The following PLS1 variants were observed in gnomAD, a reference collection of about 807,000 sequenced individuals.
PLS1 encodes plastin-1.
Under a neutral mutation model 73.7 loss-of-function variants are expected in PLS1, and 32 were observed. The ratio of observed to expected loss-of-function variants is 0.43; its 90% CI spans 0.33 to 0.58. The LOEUF (loss-of-function observed/expected upper bound fraction) is 0.58. Among genes scored for constraint, PLS1 ranks in the 20% least tolerant of loss-of-function variants. The pLI, the probability that PLS1 is intolerant of heterozygous loss-of-function variation, is 0.04. For synonymous variants in PLS1, 217 were observed against 261.3 expected (o/e 0.83, Z 1.63); for missense variants, 633 against 740.5 (o/e 0.85, Z 1.68).
At chr3:142,635,535 G>A (rs1357944779) in intron 1 of PLS1, among the ~76,000 whole-genome samples, 2 of 152,058 alleles carry the variant, frequency 1.3e-5, no homozygotes, top group Non-Finnish European at 2.9e-5. Flanking sequence ...CCTGGGAGGC[G>A]AAGGTTGCAG....
At chr3:142,629,114 A>G (rs552778977) in intron 1 of PLS1, among the ~76,000 whole-genome samples, 29 of 152,320 alleles carry the variant, frequency 1.9e-4, no homozygotes, top group African/African-American at 7.0e-4. Flanking sequence ...TGGGCAAGTT[A>G]GTTAACCTTA....
chr3:142,701,822 A>G (rs2038337982), intron 12 of PLS1, among the ~76,000 whole-genome samples: 1 of 152,232 alleles, frequency 6.6e-6, no homozygotes, highest in South Asian at 2.1e-4. Flanking sequence ...GCAGTTTGCT[A>G]TAAAATTCTC....
chr3:142,599,618 C>T (rs919174560), intron 1 of PLS1, among the ~76,000 whole-genome samples: 7 of 152,110 alleles, frequency 4.6e-5, no homozygotes, highest in African/African-American at 7.2e-5. Flanking sequence ...CGTGAGCCAC[C>T]GCGCCCGGCC....
intron 1 of PLS1, among the ~76,000 whole-genome samples, chr3:142,648,476 C>A (rs1334196957): frequency 6.6e-6 from 1 of 152,048 alleles, no homozygotes; most frequent in Non-Finnish European, 1.5e-5. Context: ...TTGCGGGAGG[C>A]ATCAGTTTTT....
intron 3 of PLS1, 126 bp downstream of exon 3, chr3:142,669,679 TG>T (rs373020787): frequency 0.012 from 6,703 of 566,688 alleles, 360 homozygotes; most frequent in African/African-American, 0.11. Flanking sequence ...AAAATGATGA[TG>T]ATGATGATGA....
intron 10 of PLS1, among the ~76,000 whole-genome samples, chr3:142,692,561 A>G (rs2038107961): frequency 6.6e-6 from 1 of 152,142 alleles, no homozygotes; most frequent in East Asian, 1.9e-4. Flanking sequence ...CTCATTTATA[A>G]AATCTATTTT....
At chr3:142,600,071 A>G (rs2035888206) in intron 1 of PLS1, among the ~76,000 whole-genome samples, 1 of 152,190 alleles carries the variant, frequency 6.6e-6, no homozygotes, top group Non-Finnish European at 1.5e-5. Context: ...TTGAGTTGGT[A>G]GCAAGACACT....
At position 142,703,857 on chromosome 3, in the gene PLS1, C is replaced by G; in HGVS notation, c.1372-11C>G. The stretch of plus-strand genomic sequence containing the variant: ...AAATCTTTTTATACCCAAACTTTTA[C>G]TTATTTATAGATTGAAAACTGTAAC... On this transcript the variant is annotated splice_polypyrimidine_tract_variant and intron_variant, in intron 12 of 15. Transcript: ENST00000457734. 1 of 1,592,720 alleles carries G rather than the reference C, an allele frequency of 6.3e-7. No individual in the cohort carries two copies. Among genetic ancestry groups the G allele is most frequent in the South Asian group, 1.1e-5 (1 of 90,060 alleles).
Position 142,684,319 on chromosome 3 carries a change from T to C in PLS1, c.812T>C (p.Leu271Ser), listed in dbSNP as rs375940274. Residue 271 changes from leucine to serine, a missense_variant, in exon 8 of 16, where the codon TTA becomes TCA. Physicochemically the swap from Leu to Ser is moderately radical, Grantham distance 145. Transcript: ENST00000457734. ...EELMKLSPEE[L>S]LLRWVNYHLT... ...CTGATGAAGCTTTCTCCCGAGGAATTACTGCTGCGATGGGTGAACTACCAT... is the reference window on the plus strand; with the variant it reads ...CTGATGAAGCTTTCTCCCGAGGAATCACTGCTGCGATGGGTGAACTACCAT... 135 of 1,613,828 alleles carry C rather than the reference T, an allele frequency of 8.4e-5. No individual in the cohort carries two copies. Among genetic ancestry groups the C allele is most frequent in the Non-Finnish European group, 1.1e-4 (127 of 1,179,830 alleles).
chr3:142,664,251 C>A lies in PLS1; in HGVS notation c.14C>A (p.Thr5Asn). Reference sequence around the variant, plus strand: ...TTCTGTCCAAAGATGGAAAACAGTACTACTACCATTTCTCGGGAGGAGCTT... The same window carrying A: ...TTCTGTCCAAAGATGGAAAACAGTAATACTACCATTTCTCGGGAGGAGCTT... MENS[T>N]TTISREELEE... Residue 5 changes from threonine (T) to asparagine (N), a missense_variant, in exon 2 of 16, where the codon ACT (threonine) becomes AAT (asparagine). By Grantham distance (65) the Thr-to-Asn change is moderately conservative. Coordinates refer to ENST00000457734, the MANE Select transcript of PLS1 (RefSeq NM_001145319.2). 6.3e-7 allele frequency: 1 copy of A among 1,584,202 alleles called. No homozygotes were observed. Among genetic ancestry groups the A allele is most frequent in the Non-Finnish European group, 8.6e-7 (1 of 1,156,106 alleles).
At chr3:142,703,760 A>G in intron 12 of PLS1, 108 bp from the exon 13 acceptor site, 1 of 644,432 alleles carries the variant, frequency 1.6e-6, no homozygotes, top group East Asian at 2.7e-5. Context: ...GGTCATATAA[A>G]TTTAAGGTGT....
intron 5 of PLS1, among the ~76,000 whole-genome samples, chr3:142,676,774 C>T (rs930546588): frequency 2.6e-5 from 4 of 152,114 alleles, no homozygotes; most frequent in African/African-American, 7.2e-5. Flanking sequence ...ATGTCTTTGT[C>T]ATTGTTGTGT....
At position 142,612,245 on chromosome 3, in the gene PLS1, T is replaced by C. The variant is rs567315393; in HGVS notation, c.-37+15736T>C. 2.0e-5 allele frequency among the ~76,000 whole-genome samples: 3 copies of C among 152,360 alleles called. No homozygotes were observed. In the South Asian group the frequency reaches 6.2e-4, roughly 32 times the overall value. The stretch of plus-strand genomic sequence containing the variant: ...GATCAACTCCAACTCTAACTCAGGA[T>C]AAACAGCATGCTGGGATGTTTCCCT... On this transcript the variant is annotated intron_variant, in intron 1 of 15. Coordinates refer to ENST00000457734, the MANE Select transcript of PLS1 (RefSeq NM_001145319.2).
chr3:142,599,765 T>G (rs2035882080), intron 1 of PLS1, among the ~76,000 whole-genome samples: 1 of 151,990 alleles, frequency 6.6e-6, no homozygotes, highest in East Asian at 1.9e-4. Context: ...TTTATTTATT[T>G]ATTTTTTGAG....
At chr3:142,613,687 TA>T (rs2036163278) in intron 1 of PLS1, among the ~76,000 whole-genome samples, 1 of 152,210 alleles carries the variant, frequency 6.6e-6, no homozygotes, top group African/African-American at 2.4e-5. Context: ...TCTCTTGCTG[TA>T]ACACTGAGGT....
chr3:142,671,613 C>T (rs1218995338), intron 4 of PLS1, among the ~76,000 whole-genome samples: 1 of 152,052 alleles, frequency 6.6e-6, no homozygotes, highest in Admixed American at 6.6e-5. Flanking sequence ...GAGCATAGCA[C>T]CTGATTTGCT....
chr3:142,600,922 T>A (rs1219185998), intron 1 of PLS1, among the ~76,000 whole-genome samples: 63 of 66,950 alleles, frequency 9.4e-4, no homozygotes, highest in East Asian at 3.1e-3. Context: ...ATATATTTTT[T>A]TTTTTTTTTT....
At chr3:142,609,072 G>A (rs527530106) in intron 1 of PLS1, among the ~76,000 whole-genome samples, 1 of 152,290 alleles carries the variant, frequency 6.6e-6, no homozygotes, top group South Asian at 2.1e-4. Flanking sequence ...GAATAATAAA[G>A]TTGCATAGAT....
At chr3:142,631,119 GT>G (rs748942955) in intron 1 of PLS1, among the ~76,000 whole-genome samples, 19 of 152,100 alleles carry the variant, frequency 1.2e-4, no homozygotes, top group South Asian at 1.0e-3. Context: ...GCTCATGTCT[GT>G]AATCCCAACA....
Sources: allele counts gnomAD v4.1 joint callset (sites outside exome capture counted in the v4.1 genomes callset), GRCh38; gene constraint gnomAD v4.1.1; transcripts MANE v1.5; gene names NCBI Gene and HGNC (gene_info 2026-07-23, HGNC 2026-07-21).